RORB: variants seen among roughly 807,000 people sequenced by gnomAD.
RORB encodes the protein nuclear receptor ROR-beta.
A neutral mutation model predicts 59.1 loss-of-function variants in RORB; 6 were observed. The observed-to-expected ratio is 0.10, with a 90% CI of 0.06 to 0.20. The LOEUF (loss-of-function observed/expected upper bound fraction) is 0.20. Among genes scored for constraint, RORB ranks in the 10% least tolerant of loss-of-function variants. RORB has a pLI of 1.00. For synonymous variants in RORB, 215 were observed against 204.5 expected (o/e 1.05, Z -0.44); for missense variants, 320 against 560.5 (o/e 0.57, Z 4.33).
chr9:74,638,156 T>C (rs1823735933), intron 3 of RORB, among the ~76,000 whole-genome samples: 1 of 152,184 alleles, frequency 6.6e-6, no homozygotes, highest in Admixed American at 6.5e-5. Flanking sequence ...CCGAAGGTAG[T>C]AGATAAAATG....
chr9:74,641,223 TA>T (rs11331452), intron 3 of RORB, among the ~76,000 whole-genome samples: 34,142 of 152,080 alleles, frequency 0.22, 3,959 homozygotes, highest in South Asian at 0.31. Flanking sequence ...GTTCACATCC[TA>T]AAAAGGCAGT....
chr9:74,591,308 C>G (rs1822888476), intron 1 of RORB, among the ~76,000 whole-genome samples: 2 of 152,164 alleles, frequency 1.3e-5, no homozygotes, highest in African/African-American at 4.8e-5. Context: ...CCATGATATC[C>G]TATGCATATG....
intron 1 of RORB, among the ~76,000 whole-genome samples, chr9:74,550,570 G>A (rs1014133471): frequency 1.3e-5 from 2 of 152,250 alleles, no homozygotes; most frequent in East Asian, 1.9e-4. Context: ...CTCTTAATTG[G>A]CCAATACCAA....
chr9:74,587,487 G>A (rs1822819160), intron 1 of RORB, among the ~76,000 whole-genome samples: 1 of 152,092 alleles, frequency 6.6e-6, no homozygotes, highest in South Asian at 2.1e-4. Context: ...CAAAACTTAG[G>A]AACCTGTAAA....
chr9:74,622,369 G>A (rs563246672), intron 1 of RORB, among the ~76,000 whole-genome samples: 6 of 152,198 alleles, frequency 3.9e-5, no homozygotes, highest in Non-Finnish European at 5.9e-5. Flanking sequence ...TATAGAGAGC[G>A]AGAAATAAAT....
In RORB at chr9:74,690,184, T is replaced by A. The variant is rs1463895773; in HGVS notation, c.*4566T>A. ...TTGATGTTCTGTTTCCAACTGTCAG[T>A]ATAAGCAGCAACTAGAGTAAAGGCC... is the stretch of plus-strand genomic sequence containing the variant. On this transcript the variant is annotated 3_prime_UTR_variant, in exon 10 of 10. Transcript: ENST00000376896. 6.6e-6 allele frequency: 1 copy of A among 152,190 alleles called. No individual in the cohort carries two copies. The highest frequency in any genetic ancestry group is 1.5e-5 in the Non-Finnish European group (1 of 68,052). The allele number at this position is 152,190 out of a possible 1,614,324, so 9.4% of individuals were successfully genotyped here. A position where few individuals can be genotyped will look rare whatever the true frequency, so the allele number is the denominator to read the frequency against.
intron 1 of RORB, among the ~76,000 whole-genome samples, chr9:74,576,591 C>G (rs558530296): frequency 1.5e-3 from 227 of 152,092 alleles, no homozygotes; most frequent in African/African-American, 5.0e-3. Context: ...AGCAGGGAAA[C>G]CTCTGGATTT....
intron 9 of RORB, among the ~76,000 whole-genome samples, chr9:74,676,012 G>A (rs1006133043): frequency 4.6e-5 from 7 of 152,186 alleles, no homozygotes; most frequent in African/African-American, 1.7e-4. Flanking sequence ...CTGACCAGAG[G>A]TGCAGAGGGT....
intron 1 of RORB, among the ~76,000 whole-genome samples, chr9:74,504,537 GGGTA>G (rs1290096366): frequency 9.9e-5 from 15 of 152,068 alleles, no homozygotes; most frequent in Non-Finnish European, 1.9e-4. Context: ...GTTCACCTCT[GGGTA>G]GTAAATATTT....
intron 1 of RORB, among the ~76,000 whole-genome samples, chr9:74,549,461 AGAGAGAGAGAGAGAGGTAGGGAGG>A (rs1475018132): frequency 7.1e-6 from 1 of 139,950 alleles, no homozygotes; most frequent in Non-Finnish European, 1.5e-5. Flanking sequence ...AAAAGAAGAA[AGAGAGAGAGAGAGAGGTAGGGAGG>A]GAGAGAGAGA....
chr9:74,607,461 T>G (rs1457681639), intron 1 of RORB, among the ~76,000 whole-genome samples: 1 of 152,308 alleles, frequency 6.6e-6, no homozygotes, highest in East Asian at 1.9e-4. Context: ...GTGTTTCTTC[T>G]TTGATGGCAA....
intron 1 of RORB, among the ~76,000 whole-genome samples, chr9:74,514,660 T>C (rs1047452421): frequency 2.0e-5 from 3 of 148,336 alleles, no homozygotes; most frequent in African/African-American, 4.9e-5. Context: ...ATGATATTTA[T>C]ATAATATATA....
intron 1 of RORB, among the ~76,000 whole-genome samples, chr9:74,599,820 C>A (rs1269114821): frequency 6.6e-6 from 1 of 152,066 alleles, no homozygotes; most frequent in Non-Finnish European, 1.5e-5. Flanking sequence ...CTAATGGCTG[C>A]CCCAGAATGG....
chr9:74,660,871 C>A (rs2118511484), intron 5 of RORB, 133 bp downstream of exon 5: 3 of 871,090 alleles, frequency 3.4e-6, no homozygotes, highest in East Asian at 2.7e-5. Context: ...TCGATACTTA[C>A]CAGCATCCCT....
At chr9:74,555,713 C>T (rs1822277729) in intron 1 of RORB, among the ~76,000 whole-genome samples, 1 of 152,122 alleles carries the variant, frequency 6.6e-6, no homozygotes, top group South Asian at 2.1e-4. Flanking sequence ...ACTGTAATTC[C>T]AATTAGAGCT....
rs180722598 is a variant in RORB at position 74,586,943 on chromosome 9, A to G, written c.8-43339A>G. ...AACCTCATGCTCCATACTATGTCAT[A>G]TCTGATACCCAGTGAGCTCCTAACC... On this transcript the variant is annotated intron_variant, in intron 1 of 9. Coordinates refer to ENST00000376896, the MANE Select transcript of RORB (RefSeq NM_006914.4). Among the ~76,000 whole-genome samples the G allele has an allele frequency of 3.9e-5, 6 of 152,294 alleles. No individual in the cohort carries two copies. In the East Asian group the frequency reaches 1.2e-3, roughly 29 times the overall value.
At chr9:74,613,019 TCATCACATTTATTTC>T (rs1823255769) in intron 1 of RORB, among the ~76,000 whole-genome samples, 1 of 152,250 alleles carries the variant, frequency 6.6e-6, no homozygotes, top group Non-Finnish European at 1.5e-5. Context: ...ACTGTGAGCT[TCATCACATTTATTTC>T]CAAGTACAAA....
At chr9:74,662,335 T>C in intron 5 of RORB, 139 bp from the exon 6 acceptor site, 1 of 804,832 alleles carries the variant, frequency 1.2e-6, no homozygotes. Flanking sequence ...AGTAGTGCCC[T>C]CCTTTTTTAA....
intron 1 of RORB, among the ~76,000 whole-genome samples, chr9:74,555,953 T>C (rs1385676052): frequency 1.3e-5 from 2 of 152,216 alleles, no homozygotes; most frequent in Non-Finnish European, 2.9e-5. Context: ...TTTTAAAATA[T>C]ATTTTGGTGA....
Sources: allele counts gnomAD v4.1 joint callset (sites outside exome capture counted in the v4.1 genomes callset), GRCh38; gene constraint gnomAD v4.1.1; transcripts MANE v1.5; gene names NCBI Gene and HGNC (gene_info 2026-07-23, HGNC 2026-07-21).